The following USP31 variants were observed in gnomAD, a reference collection of about 807,000 sequenced individuals.
The protein encoded by USP31 is ubiquitin specific peptidase 31.
USP31 carries 44 observed loss-of-function variants against 119.4 expected under a neutral mutation model. That is an observed-to-expected ratio of 0.37 (90% confidence interval 0.29 to 0.47). USP31 has a LOEUF of 0.47. Among genes scored for constraint, USP31 ranks in the 20% least tolerant of loss-of-function variants. The pLI is 0.99. For synonymous variants in USP31, 749 were observed against 705.6 expected (o/e 1.06, Z -0.97); for missense variants, 1,643 against 1,730.2 (o/e 0.95, Z 0.89).
In USP31 at chr16:23,062,624, T is replaced by G. The variant is rs944817377; in HGVS notation, c.*5422A>C. ...TTCTTCGACAATTTCTAGCTCAGAG[T>G]GACTTCCCTATTCCCCCACGGGCCT... is the stretch of plus-strand genomic sequence containing the variant. On this transcript the variant is annotated 3_prime_UTR_variant, in exon 16 of 16. Transcript: ENST00000219689. The G allele has an allele frequency of 6.6e-6, 1 of 152,296 alleles. No individual in the cohort carries two copies. Among genetic ancestry groups the G allele is most frequent in the African/African-American group, 2.4e-5 (1 of 41,368 alleles). The allele number at this position is 152,296 out of a possible 1,614,324, so 9.4% of individuals were successfully genotyped here.
intron 9 of USP31, 27 bp downstream of exon 9, chr16:23,087,065 G>C (rs763983629): frequency 7.2e-5 from 112 of 1,555,088 alleles, no homozygotes; most frequent in Non-Finnish European, 8.3e-5. Flanking sequence ...GATTCTAAAA[G>C]GTAATTTAAA....
chr16:23,117,799 CTTG>C (rs994163281), intron 1 of USP31, among the ~76,000 whole-genome samples: 6 of 141,308 alleles, frequency 4.2e-5, no homozygotes, highest in East Asian at 4.0e-4. Flanking sequence ...TCTCTCTGTT[CTTG>C]TTGTTGTTGA....
chr16:23,081,733 C>T (rs1243873801), intron 12 of USP31, among the ~76,000 whole-genome samples: 2 of 152,234 alleles, frequency 1.3e-5, no homozygotes, highest in Admixed American at 6.5e-5. Flanking sequence ...CCCGCCACTG[C>T]CCACCCCTCT....
chr16:23,139,478 A>C (rs73538676), intron 1 of USP31, among the ~76,000 whole-genome samples: 1 of 152,366 alleles, frequency 6.6e-6, no homozygotes, highest in African/African-American at 2.4e-5. Flanking sequence ...CGCTAAGAGC[A>C]GGTAGTCAAA....
At chr16:23,135,131 A>C (rs531637952) in intron 1 of USP31, among the ~76,000 whole-genome samples, 12 of 136,992 alleles carry the variant, frequency 8.8e-5, no homozygotes, top group Middle Eastern at 3.8e-3. Flanking sequence ...ACACTCTTTC[A>C]TGATTTAAAA....
intron 1 of USP31, among the ~76,000 whole-genome samples, chr16:23,132,390 G>A (rs1415902184): frequency 6.7e-6 from 1 of 149,940 alleles, no homozygotes; most frequent in African/African-American, 2.5e-5. Context: ...CTTTACTATA[G>A]GAAACAGCTG....
chr16:23,078,512 G>A (rs1387297473), intron 13 of USP31, among the ~76,000 whole-genome samples: 14 of 151,886 alleles, frequency 9.2e-5, no homozygotes, highest in Admixed American at 5.3e-4. Flanking sequence ...TCCTTTCCCC[G>A]ACAGCTGACC....
chr16:23,142,956 G>C (rs577665186), intron 1 of USP31, among the ~76,000 whole-genome samples: 12 of 152,226 alleles, frequency 7.9e-5, no homozygotes, highest in African/African-American at 2.9e-4. Context: ...GTGTACCATG[G>C]GTTTGCAGCA....
Position 23,138,533 on chromosome 16 carries a change from T to C in USP31, c.633+10105A>G, listed in dbSNP as rs188790793. ...ATCATACCACAAGCTTGTCTAAAAT[T>C]ATTTGGTGCCTACCTCTGCAGAATG... On this transcript the variant is annotated intron_variant, in intron 1 of 15. Transcript: ENST00000219689. 3.5e-3 allele frequency among the ~76,000 whole-genome samples: 536 copies of C among 152,188 alleles called. 1 individual carries two copies. The highest frequency in any genetic ancestry group is 6.1e-3 in the Non-Finnish European group (415 of 67,998).
Position 23,069,147 on chromosome 16 carries a change from A to G in USP31, c.2958T>C (p.Asn986=). The stretch of plus-strand genomic sequence containing the variant: ...TCTGATCCACATAAGCGATCTGATT[A>G]TTGTTATCAAATGGACCAGAGAGCG... ...LPPLSGPFDN[N]NQIAYVDQSD... The change falls in exon 16 of 16, where the codon AAT becomes AAC. Residue 986 remains asparagine, a synonymous_variant. Coordinates refer to ENST00000219689, the MANE Select transcript of USP31 (RefSeq NM_020718.4). The G allele has an allele frequency of 3.1e-6, 5 of 1,613,962 alleles. No homozygotes were observed. The highest frequency in any genetic ancestry group is 4.2e-6 in the Non-Finnish European group (5 of 1,180,026).
chr16:23,069,215 C>CTA lies in USP31; in HGVS notation c.2888_2889dup (p.Asp964Ter). On this transcript the variant is annotated frameshift_variant, in exon 16 of 16. Coordinates refer to ENST00000219689, the MANE Select transcript of USP31 (RefSeq NM_020718.4). LOFTEE classifies it high-confidence loss of function. ...TGTGCTGAATGTTTGCTCTGTGTATCTACGACACTGGAGTTCAATCTGCGG... is the reference window on the plus strand; with the variant it reads ...TGTGCTGAATGTTTGCTCTGTGTATCTATACGACACTGGAGTTCAATCTGCGG... The CTA allele has an allele frequency of 6.2e-7, 1 of 1,614,216 alleles. No homozygotes were observed. The highest frequency in any genetic ancestry group is 1.7e-5 in the Admixed American group (1 of 60,026).
At chr16:23,135,084 C>T (rs1228056818) in intron 1 of USP31, among the ~76,000 whole-genome samples, 1 of 149,854 alleles carries the variant, frequency 6.7e-6, no homozygotes, top group Non-Finnish European at 1.5e-5. Flanking sequence ...CCATGATCAT[C>T]TCAGTTGATG....
At position 23,062,884 on chromosome 16, in the gene USP31, G is replaced by T. The variant is rs77318048; in HGVS notation, c.*5162C>A. 1 of 152,474 alleles carries T rather than the reference G, an allele frequency of 6.6e-6. No homozygotes were observed. Among genetic ancestry groups the T allele is most frequent in the Non-Finnish European group, 1.5e-5 (1 of 68,034 alleles). 9.4% of individuals were successfully genotyped at this position (152,474 alleles called of 1,614,324 possible). A position where few individuals can be genotyped will look rare whatever the true frequency, so the allele number is the denominator to read the frequency against. ...TTTCTGCTTCTCCTACACAACTGAG[G>T]AATCAGTCACTCCTGAGTAATTCAA... On this transcript the variant is annotated 3_prime_UTR_variant, in exon 16 of 16. Coordinates refer to ENST00000219689, the MANE Select transcript of USP31 (RefSeq NM_020718.4).
chr16:23,074,360 T>C (rs1236559609), intron 13 of USP31, among the ~76,000 whole-genome samples: 1 of 152,180 alleles, frequency 6.6e-6, no homozygotes, highest in East Asian at 1.9e-4. Flanking sequence ...GTTCAGTGTG[T>C]TGCAACATTT....
intron 1 of USP31, among the ~76,000 whole-genome samples, chr16:23,143,560 G>A (rs1025982850): frequency 1.4e-5 from 2 of 145,694 alleles, no homozygotes; most frequent in Admixed American, 7.2e-5. Context: ...CAGAGACAGA[G>A]AAGGAGAAAG....
rs1319278190 is a variant in USP31, at chr16:23,069,296, C to T, written c.2809G>A (p.Val937Met). Reference sequence around the variant, plus strand: ...ATGACAGCCAGAGGGGCCCGGCCCACAGCCTTGTGCTCACGGCGACTATGA... The same window carrying T: ...ATGACAGCCAGAGGGGCCCGGCCCATAGCCTTGTGCTCACGGCGACTATGA... The part of the protein sequence containing the change: ...DSHSRREHKA[V>M]GRAPLAVMEG... Residue 937 changes from valine to methionine, a missense_variant, in exon 16 of 16, where the codon GTG (valine) becomes ATG (methionine). Transcript: ENST00000219689. 2 of 1,609,788 alleles carry T rather than the reference C, an allele frequency of 1.2e-6. No individual in the cohort carries two copies. Among genetic ancestry groups the T allele is most frequent in the Non-Finnish European group, 1.7e-6 (2 of 1,177,862 alleles).
rs549255672 is a variant in USP31, at chr16:23,062,522, G to A, written c.*5524C>T. On this transcript the variant is annotated 3_prime_UTR_variant, in exon 16 of 16. Coordinates refer to ENST00000219689, the MANE Select transcript of USP31 (RefSeq NM_020718.4). ...CAGCGGCAGCCTGGGGTTTGCTACT[G>A]TAATTCCTACAAAAAGGCAATAATT... 1 of 152,760 alleles carries A rather than the reference G, an allele frequency of 6.5e-6. No individual in the cohort carries two copies. Among genetic ancestry groups the A allele is most frequent in the African/African-American group, 2.4e-5 (1 of 41,578 alleles). 9.5% of individuals were successfully genotyped at this position (152,760 alleles called of 1,614,324 possible). A position where few individuals can be genotyped will look rare whatever the true frequency, so the allele number is the denominator to read the frequency against.
chr16:23,128,855 T>C (rs1451175532), intron 1 of USP31, among the ~76,000 whole-genome samples: 1 of 152,120 alleles, frequency 6.6e-6, no homozygotes, highest in Non-Finnish European at 1.5e-5. Context: ...AACTACCATT[T>C]TACAGGAAAT....
intron 13 of USP31, among the ~76,000 whole-genome samples, chr16:23,074,300 G>C (rs1383405863): frequency 6.6e-6 from 1 of 152,124 alleles, no homozygotes; most frequent in Non-Finnish European, 1.5e-5. Flanking sequence ...ACAGCCCCCT[G>C]CAAGACAAAA....
Sources: allele counts gnomAD v4.1 joint callset (sites outside exome capture counted in the v4.1 genomes callset), GRCh38; gene constraint gnomAD v4.1.1; transcripts MANE v1.5; gene names NCBI Gene and HGNC (gene_info 2026-07-23, HGNC 2026-07-21).